The following SLC26A8 variants were observed in gnomAD, a reference collection of about 807,000 sequenced individuals.
SLC26A8 encodes solute carrier family 26 member 8, also known as testis anion transporter 1.
Under a neutral mutation model 105.0 loss-of-function variants are expected in SLC26A8, and 70 were observed. The observed-to-expected ratio is 0.67, with a 90% CI of 0.55 to 0.81. The LOEUF (loss-of-function observed/expected upper bound fraction) is 0.81. Among genes scored for constraint, SLC26A8 ranks in the 40% least tolerant of loss-of-function variants. SLC26A8 has a pLI of 0.00. For synonymous variants in SLC26A8, 415 were observed against 438.3 expected (o/e 0.95, Z 0.66); for missense variants, 998 against 1,181.8 (o/e 0.84, Z 2.28).
At chr6:36,021,021 C>T (rs1268987532) in intron 1 of SLC26A8, among the ~76,000 whole-genome samples, 1 of 152,142 alleles carries the variant, frequency 6.6e-6, no homozygotes, top group African/African-American at 2.4e-5. Context: ...ATTAAATTTC[C>T]ACAACAATAC....
chr6:35,955,262 A>G lies in SLC26A8; in HGVS notation c.2122T>C (p.Ser708Pro), dbSNP rs768612764. The G allele has an allele frequency of 3.3e-5, 54 of 1,613,990 alleles. No homozygotes were observed. The East Asian group carries it at 1.2e-3, about 36-fold the overall frequency. Residue 708 changes from serine to proline, a missense_variant, in exon 17 of 20, where the codon TCA (serine) becomes CCA (proline). Physicochemically the swap from Ser to Pro is moderately conservative, Grantham distance 74. Transcript: ENST00000490799. ...GACGCATCTGAGTAAGGGATGAGTG[A>G]TCTCCTCCCCTGGCTTTCCGCCACA... ...PDVAESQGRRSLIPYSDASLL... is the reference protein window; with the variant it reads ...PDVAESQGRRPLIPYSDASLL...
At position 36,012,360 on chromosome 6, in the gene SLC26A8, G is replaced by A; in HGVS notation, c.201C>T (p.His67=). The change falls in exon 3 of 20, where the codon CAC becomes CAT. Residue 67 remains histidine, a synonymous_variant. Coordinates refer to ENST00000490799, the MANE Select transcript of SLC26A8 (RefSeq NM_052961.4). ...TTGTAAGCACGCATCGTAGGAACCT[G>A]TGCCATGAGCAGCTGTGAGAGAGAG... is the stretch of plus-strand genomic sequence containing the variant. The part of the protein sequence containing the change: ...RHHVQCRCSW[H]RFLRCVLTIF... 1 of 1,587,806 alleles carries A rather than the reference G, an allele frequency of 6.3e-7. No homozygotes were observed. Among genetic ancestry groups the A allele is most frequent in the Non-Finnish European group, 8.5e-7 (1 of 1,171,182 alleles).
intron 8 of SLC26A8, among the ~76,000 whole-genome samples, chr6:35,979,007 ATTTTTTTTTTTT>A (rs34335766): frequency 2.0e-5 from 2 of 98,348 alleles, no homozygotes; most frequent in East Asian, 5.5e-4. Flanking sequence ...CACCTGGCTA[ATTTTTTTTTTTT>A]TTTTTTTTTT....
At chr6:35,971,428 A>G (rs768171556) in intron 10 of SLC26A8, among the ~76,000 whole-genome samples, 4 of 152,194 alleles carry the variant, frequency 2.6e-5, no homozygotes, top group Non-Finnish European at 5.9e-5. Flanking sequence ...CCACAGCCAC[A>G]ATCAACATGC....
Position 35,959,547 on chromosome 6 carries a change from G to A in SLC26A8, c.1776C>T (p.Ser592=), listed in dbSNP as rs747729435. 9 of 1,613,834 alleles carry A rather than the reference G, an allele frequency of 5.6e-6. No individual in the cohort carries two copies. In the Admixed American group the frequency reaches 1.5e-4, roughly 27 times the overall value. Residue 592 remains serine (S), a synonymous_variant, in exon 16 of 20, where the codon AGC becomes AGT. Coordinates refer to ENST00000490799, the MANE Select transcript of SLC26A8 (RefSeq NM_052961.4). ...GATTGGTGTCACTTGAATTAAACAA[G>A]CTGAAAATTTCTTCTTCTTTAAGAG... ...KVPLKEEEIF[S]LFNSSDTNLQ...
rs776775396 is a variant in SLC26A8 at position 35,997,761 on chromosome 6, T to C, written c.604A>G (p.Thr202Ala). 19 of 1,614,102 alleles carry C rather than the reference T, an allele frequency of 1.2e-5. No homozygotes were observed. The highest frequency in any genetic ancestry group is 7.7e-5 in the South Asian group (7 of 91,074). ...NKSLSVVATT[T>A]FLTGIIQLIM... Reference sequence around the variant, plus strand: ...ACCTGAATAATCCCAGTCAGAAAAGTTGTGGTTGCCACCACACTCAAGGAT... The same window carrying C: ...ACCTGAATAATCCCAGTCAGAAAAGCTGTGGTTGCCACCACACTCAAGGAT... The change falls in exon 5 of 20, where the codon ACT becomes GCT. Residue 202 changes from threonine (T) to alanine (A), a missense_variant. Thr to Ala is a moderately conservative substitution (Grantham distance 58). Transcript: ENST00000490799.
intron 9 of SLC26A8, 84 bp from the exon 10 acceptor site, chr6:35,975,572 T>TTC (rs1772977776): frequency 6.9e-6 from 5 of 722,560 alleles, no homozygotes; most frequent in African/African-American, 1.8e-5. Flanking sequence ...GTTTTTTTTT[T>TTC]TTATATGAAG....
intron 2 of SLC26A8, among the ~76,000 whole-genome samples, chr6:36,015,765 C>T (rs1382821165): frequency 6.6e-6 from 1 of 152,114 alleles, no homozygotes; most frequent in Non-Finnish European, 1.5e-5. Context: ...AAGAACACAA[C>T]TTGCAAAAGG....
In SLC26A8 at chr6:35,960,833, G is replaced by C; in HGVS notation, c.1638+10C>G. The C allele has an allele frequency of 6.2e-7, 1 of 1,613,660 alleles. No individual in the cohort carries two copies. Among genetic ancestry groups the C allele is most frequent in the Non-Finnish European group, 8.5e-7 (1 of 1,179,624 alleles). On this transcript the variant is annotated intron_variant, in intron 14 of 19. Coordinates refer to ENST00000490799, the MANE Select transcript of SLC26A8 (RefSeq NM_052961.4). ...TTAGGCAGAGAAATGGGACCCATTT[G>C]GATTCTTACCTCCCGATAATCATTG...
intron 7 of SLC26A8, among the ~76,000 whole-genome samples, chr6:35,987,681 T>C (rs1364380067): frequency 6.6e-6 from 1 of 151,808 alleles, no homozygotes; most frequent in Non-Finnish European, 1.5e-5. Context: ...TCCATTTTCT[T>C]AACATACTGC....
Position 36,024,563 on chromosome 6 carries a change from C to A in SLC26A8, c.-62G>T. ...GGGATCCCACACGGCTCTCGCCTGG[C>A]TGGCGGCGCTGCGGACGCGGATACC... On this transcript the variant is annotated 5_prime_UTR_variant, in exon 1 of 20. Transcript: ENST00000490799. 5.3e-6 allele frequency: 2 copies of A among 379,372 alleles called. No individual in the cohort carries two copies. The highest frequency in any genetic ancestry group is 5.1e-6 in the Non-Finnish European group (1 of 194,248). The allele number at this position is 379,372 out of a possible 1,614,324, so 23.5% of individuals were successfully genotyped here.
intron 11 of SLC26A8, among the ~76,000 whole-genome samples, chr6:35,964,811 C>T (rs1772442568): frequency 6.6e-6 from 1 of 151,384 alleles, no homozygotes; most frequent in Admixed American, 6.6e-5. Context: ...ACTAAAAATA[C>T]AAAAATTAGC....
chr6:35,989,173 G>T (rs1010894700), intron 7 of SLC26A8, among the ~76,000 whole-genome samples: 1 of 152,048 alleles, frequency 6.6e-6, no homozygotes, highest in African/African-American at 2.4e-5. Flanking sequence ...TATACGCCAG[G>T]TAACTGCCAC....
chr6:35,956,301 G>A (rs1024793799), intron 16 of SLC26A8, among the ~76,000 whole-genome samples: 2 of 151,528 alleles, frequency 1.3e-5, no homozygotes, highest in Admixed American at 6.6e-5. Context: ...GCTGGCACAC[G>A]CCTATTGTCC....
intron 7 of SLC26A8, among the ~76,000 whole-genome samples, chr6:35,987,164 G>T (rs182830328): frequency 6.6e-6 from 1 of 152,224 alleles, no homozygotes; most frequent in Non-Finnish European, 1.5e-5. Context: ...TCCCAAGGCA[G>T]TATTTTTCAA....
intron 11 of SLC26A8, among the ~76,000 whole-genome samples, chr6:35,965,132 T>C (rs1581638767): frequency 6.6e-6 from 1 of 152,266 alleles, no homozygotes; most frequent in East Asian, 1.9e-4. Context: ...GTTACAACTA[T>C]GCAAAGTGAT....
At chr6:35,950,207 CTGTTT>C (rs913707326) in intron 19 of SLC26A8, among the ~76,000 whole-genome samples, 5 of 151,980 alleles carry the variant, frequency 3.3e-5, no homozygotes, top group Admixed American at 6.6e-5. Flanking sequence ...TAGTGCCCAT[CTGTTT>C]TAATTTCCTT....
rs1772223245 is a variant in SLC26A8, at chr6:35,959,477, G to A, written c.1846C>T (p.Leu616=). 2 of 1,612,804 alleles carry A rather than the reference G, an allele frequency of 1.2e-6. No individual in the cohort carries two copies. The highest frequency in any genetic ancestry group is 1.7e-6 in the Non-Finnish European group (2 of 1,179,672). The part of the protein sequence containing the change: ...ICRCFCNCDD[L]EPLPRILYTE... ...TTTCTAACCCTGGGCAGCGGCTCCAGATCATCACAGTTGCAGAAACACCTG... is the reference window on the plus strand; with the variant it reads ...TTTCTAACCCTGGGCAGCGGCTCCAAATCATCACAGTTGCAGAAACACCTG... Residue 616 remains leucine, a synonymous_variant, in exon 16 of 20, where the codon CTG becomes TTG. Transcript: ENST00000490799.
chr6:35,983,775 G>T (rs543717485), intron 7 of SLC26A8, among the ~76,000 whole-genome samples: 1 of 152,074 alleles, frequency 6.6e-6, no homozygotes, highest in East Asian at 1.9e-4. Flanking sequence ...GGCTGTTCTT[G>T]AATTCCTGAC....
Sources: allele counts gnomAD v4.1 joint callset (sites outside exome capture counted in the v4.1 genomes callset), GRCh38; gene constraint gnomAD v4.1.1; transcripts MANE v1.5; gene names NCBI Gene and HGNC (gene_info 2026-07-23, HGNC 2026-07-21).